The following FRMD5 variants were observed in gnomAD, a reference collection of about 807,000 sequenced individuals.
The protein encoded by FRMD5 is FERM domain-containing protein 5.
FRMD5 carries 20 observed loss-of-function variants against 69.0 expected under a neutral mutation model. The ratio of observed to expected loss-of-function variants is 0.29; its 90% CI spans 0.20 to 0.42. FRMD5 has a LOEUF of 0.42. FRMD5 is among the 10% of genes least tolerant of loss of function. FRMD5 has a pLI of 1.00. For missense variants in FRMD5, 595 were observed against 708.6 expected (o/e 0.84, Z 1.82); for synonymous variants, 271 against 260.1 (o/e 1.04, Z -0.40).
intron 5 of FRMD5, 30 bp downstream of exon 5, chr15:43,909,852 A>G (rs1415937080): frequency 2.1e-6 from 3 of 1,401,988 alleles, no homozygotes; most frequent in South Asian, 1.2e-5. Context: ...TTGGCATGAA[A>G]AGCAAACTTA....
intron 1 of FRMD5, among the ~76,000 whole-genome samples, chr15:43,973,449 C>A (rs1327883709): frequency 6.6e-6 from 1 of 151,066 alleles, no homozygotes; most frequent in Non-Finnish European, 1.5e-5. Context: ...CTCACTGGAA[C>A]CTCCGCCTCC....
At chr15:44,125,647 C>G (rs1458126176) in intron 1 of FRMD5, among the ~76,000 whole-genome samples, 1 of 152,160 alleles carries the variant, frequency 6.6e-6, no homozygotes, top group African/African-American at 2.4e-5. Context: ...ATTTGACATT[C>G]AGACAAAATA....
At chr15:43,897,120 T>C (rs1206223073) in intron 7 of FRMD5, among the ~76,000 whole-genome samples, 1 of 152,012 alleles carries the variant, frequency 6.6e-6, no homozygotes, top group Non-Finnish European at 1.5e-5. Context: ...TCTAACACCC[T>C]ACCTGCCACA....
intron 1 of FRMD5, among the ~76,000 whole-genome samples, chr15:44,140,557 A>G (rs1246459412): frequency 2.6e-5 from 4 of 152,042 alleles, no homozygotes; most frequent in African/African-American, 9.7e-5. Flanking sequence ...AAATGTCATT[A>G]TTTGCATGCT....
chr15:43,911,419 G>A (rs2140422047), intron 4 of FRMD5, among the ~76,000 whole-genome samples: 1 of 152,318 alleles, frequency 6.6e-6, no homozygotes. Flanking sequence ...GGTCCATGTG[G>A]TGAGGAACTG....
At chr15:44,195,412 T>A (rs1007508155), upstream of FRMD5, among the ~76,000 whole-genome samples, 2 of 152,172 alleles carry the variant, frequency 1.3e-5, no homozygotes, top group African/African-American at 4.8e-5. Context: ...ATGGGCGGGA[T>A]AAAGAAGCAA....
chr15:44,119,883 T>C (rs559438725), intron 1 of FRMD5, among the ~76,000 whole-genome samples: 15 of 89,248 alleles, frequency 1.7e-4, no homozygotes, highest in Admixed American at 9.9e-4. Flanking sequence ...GTACCTAACA[T>C]ACAGTGAGTG....
intron 1 of FRMD5, among the ~76,000 whole-genome samples, chr15:43,947,533 T>C (rs2089965576): frequency 1.3e-5 from 2 of 152,188 alleles, no homozygotes; most frequent in Admixed American, 6.5e-5. Context: ...TTATAATCCC[T>C]GGTTTTAAGG....
At chr15:43,959,172 A>T (rs561574266) in intron 1 of FRMD5, among the ~76,000 whole-genome samples, 1 of 152,330 alleles carries the variant, frequency 6.6e-6, no homozygotes, top group South Asian at 2.1e-4. Context: ...CTCTAAACAG[A>T]GCCATCTGTT....
chr15:44,033,318 A>G (rs754606010), intron 1 of FRMD5, among the ~76,000 whole-genome samples: 7 of 152,148 alleles, frequency 4.6e-5, no homozygotes, highest in African/African-American at 7.2e-5. Flanking sequence ...GTGATGAAAT[A>G]ATATCTACAA....
intron 1 of FRMD5, among the ~76,000 whole-genome samples, chr15:44,132,015 G>A (rs1324861413): frequency 6.6e-6 from 1 of 152,120 alleles, no homozygotes; most frequent in Non-Finnish European, 1.5e-5. Context: ...GGAGCCCTGA[G>A]GTTTTTTTCA....
chr15:43,890,988 A>T (rs2088780514), intron 8 of FRMD5, among the ~76,000 whole-genome samples: 2 of 152,156 alleles, frequency 1.3e-5, no homozygotes, highest in African/African-American at 4.8e-5. Context: ...AAGATTCCTC[A>T]TGAGCTCTCC....
In FRMD5 at chr15:43,885,745, A is replaced by C. The variant is rs780534350; in HGVS notation, c.895T>G (p.Ser299Ala). ...ENQAFYKLEK[S>A]SQVRTVSSSN... ...CTGGACACTGTGCGGACTTGGCTTG[A>C]CTTCTCCAGCCTGTAGCAAGGCAAA... Residue 299 changes from serine to alanine, a missense_variant, in exon 11 of 14, where the codon TCA becomes GCA. Around this residue, in one of 5 missense-constraint regions of FRMD5, gnomAD observed 176 missense variants for 266.3 expected, o/e 0.66. Coordinates refer to ENST00000417257, the MANE Select transcript of FRMD5 (RefSeq NM_032892.5). 6.2e-7 allele frequency: 1 copy of C among 1,614,084 alleles called. No homozygotes were observed.
At chr15:44,173,606 G>A (rs1421245449) in intron 1 of FRMD5, among the ~76,000 whole-genome samples, 1 of 152,046 alleles carries the variant, frequency 6.6e-6, no homozygotes, top group African/African-American at 2.4e-5. Context: ...TAACCTCCAG[G>A]TTCAAGTGAT....
chr15:44,080,152 G>A (rs2140443725), intron 1 of FRMD5, among the ~76,000 whole-genome samples: 1 of 152,080 alleles, frequency 6.6e-6, no homozygotes, highest in South Asian at 2.1e-4. Context: ...TGTGACTGAG[G>A]CTATAAAGGA....
chr15:44,152,044 T>C (rs2077455375), intron 1 of FRMD5, among the ~76,000 whole-genome samples: 1 of 152,078 alleles, frequency 6.6e-6, no homozygotes, highest in Non-Finnish European at 1.5e-5. Flanking sequence ...ATCCCCTCTC[T>C]ACTAAAAATA....
At chr15:44,187,719 C>T (rs1042630957) in intron 1 of FRMD5, among the ~76,000 whole-genome samples, 1 of 152,110 alleles carries the variant, frequency 6.6e-6, no homozygotes, top group African/African-American at 2.4e-5. Flanking sequence ...CAGGTATACA[C>T]CAACATGCCA....
chr15:44,135,866 A>C (rs1566964860), intron 1 of FRMD5, among the ~76,000 whole-genome samples: 1 of 151,460 alleles, frequency 6.6e-6, no homozygotes, highest in Non-Finnish European at 1.5e-5. Flanking sequence ...GGCAACAAGG[A>C]GACAAGTTAG....
At chr15:44,173,544 G>A (rs1225177093) in intron 1 of FRMD5, among the ~76,000 whole-genome samples, 1 of 152,038 alleles carries the variant, frequency 6.6e-6, no homozygotes, top group Non-Finnish European at 1.5e-5. Context: ...TTGAGACAGA[G>A]TCCCCCTCTG....
Sources: allele counts gnomAD v4.1 joint callset (sites outside exome capture counted in the v4.1 genomes callset), GRCh38; gene constraint gnomAD v4.1.1; regional missense constraint gnomAD v4.1.1; transcripts MANE v1.5; gene names NCBI Gene and HGNC (gene_info 2026-07-23, HGNC 2026-07-21).